Variants in NOL10 observed in about 807,000 individuals in gnomAD.
NOL10 encodes the protein H_NH0074G24.1.
In NOL10, 58 loss-of-function variants were observed where a neutral mutation model predicts 103.5. The ratio of observed to expected loss-of-function variants is 0.56; its 90% confidence interval spans 0.45 to 0.70. The LOEUF (loss-of-function observed/expected upper bound fraction) is 0.70, where lower values mean the gene tolerates loss of function less well. NOL10 is among the 30% of genes least tolerant of loss of function. The pLI, the probability that NOL10 is intolerant of heterozygous loss-of-function variation, is 0.00. For synonymous variants in NOL10, 287 were observed against 282.5 expected (o/e 1.02, Z -0.16); for missense variants, 763 against 807.3 (o/e 0.95, Z 0.67).
intron 19 of NOL10, among the ~76,000 whole-genome samples, chr2:10,587,220 T>TAC (rs1675138521): frequency 6.7e-5 from 4 of 59,268 alleles, no homozygotes; most frequent in Non-Finnish European, 8.6e-5. Context: ...TATATATACA[T>TAC]ATATATACAT....
intron 17 of NOL10, among the ~76,000 whole-genome samples, chr2:10,593,275 G>A (rs1314317458): frequency 6.6e-6 from 1 of 152,042 alleles, no homozygotes; most frequent in Non-Finnish European, 1.5e-5. Flanking sequence ...GAGTAGCTGG[G>A]ATTACAGGCA....
chr2:10,660,827 GCCTGCTTCC>G (rs1424510895), intron 9 of NOL10, among the ~76,000 whole-genome samples: 1 of 151,758 alleles, frequency 6.6e-6, no homozygotes, highest in Non-Finnish European at 1.5e-5. Flanking sequence ...GGAAATGACA[GCCTGCTTCC>G]CCTATTCAAC....
At chr2:10,653,371 G>A (rs983984970) in intron 12 of NOL10, among the ~76,000 whole-genome samples, 4 of 152,066 alleles carry the variant, frequency 2.6e-5, no homozygotes, top group Non-Finnish European at 5.9e-5. Flanking sequence ...TCACACGTTA[G>A]AAAAAGAAGC....
chr2:10,625,727 A>G (rs1677417875), intron 13 of NOL10, among the ~76,000 whole-genome samples: 1 of 151,922 alleles, frequency 6.6e-6, no homozygotes, highest in African/African-American at 2.4e-5. Flanking sequence ...CACCCCCACA[A>G]AAAAAAAGCC....
chr2:10,624,661 T>C (rs1249793481), intron 13 of NOL10, among the ~76,000 whole-genome samples: 1 of 151,238 alleles, frequency 6.6e-6, no homozygotes, highest in African/African-American at 2.4e-5. Flanking sequence ...TGATTATGAA[T>C]TTAAAAAAAA....
chr2:10,577,721 C>T lies in NOL10; in HGVS notation c.1862G>A (p.Arg621His), dbSNP rs753718070. The change falls in exon 20 of 21, where the codon CGT becomes CAT. Residue 621 changes from arginine (R) to histidine (H), a missense_variant. Arg to His is a conservative substitution (Grantham distance 29, BLOSUM62 0). Coordinates refer to ENST00000381685, the MANE Select transcript of NOL10 (RefSeq NM_024894.4). The stretch of plus-strand genomic sequence containing the variant: ...CCCATTTTTTGCTTCAATTTTCAAA[C>T]GATCTTCAAGGGTTTTGCTATGGGA... ...QKLMNKTLEDRLKIEAKNGTL... is the reference protein window; with the variant it reads ...QKLMNKTLEDHLKIEAKNGTL... The T allele has an allele frequency of 5.0e-6, 8 of 1,608,896 alleles. No homozygotes were observed. The highest frequency in any genetic ancestry group is 4.2e-6 in the Non-Finnish European group (5 of 1,177,000).
At chr2:10,640,137 A>G (rs768822528) in intron 13 of NOL10, among the ~76,000 whole-genome samples, 12 of 152,392 alleles carry the variant, frequency 7.9e-5, no homozygotes, top group Non-Finnish European at 1.3e-4. Flanking sequence ...TACAAATCAC[A>G]GTCCAGGCTT....
intron 13 of NOL10, among the ~76,000 whole-genome samples, chr2:10,640,277 C>CT (rs1678610972): frequency 6.6e-6 from 1 of 152,148 alleles, no homozygotes; most frequent in Non-Finnish European, 1.5e-5. Flanking sequence ...GGCTTTCAGA[C>CT]CCCTGGGCTC....
Position 10,689,951 on chromosome 2 carries a change from C to A in NOL10, c.-90G>T. On this transcript the variant is annotated 5_prime_UTR_variant, in exon 1 of 21. Transcript: ENST00000381685. The stretch of plus-strand genomic sequence containing the variant: ...CCGGGACCTCCGAGCCCCTGCTCCG[C>A]GGCGTGCGGCCGCTGGCGCCGACTG... 7.9e-7 allele frequency: 1 copy of A among 1,262,474 alleles called. No homozygotes were observed. Among genetic ancestry groups the A allele is most frequent in the Non-Finnish European group, 1.1e-6 (1 of 900,888 alleles). 78.2% of individuals were successfully genotyped at this position (1,262,474 alleles called of 1,614,324 possible). A position where few individuals can be genotyped will look rare whatever the true frequency, so the allele number is the denominator to read the frequency against.
intron 17 of NOL10, chr2:10,591,077 T>C (rs779776603): frequency 6.6e-6 from 1 of 152,212 alleles, no homozygotes; most frequent in Non-Finnish European, 1.5e-5. Context: ...TCATAAGATA[T>C]TAAGGAACTT....
chr2:10,674,815 C>T (rs1015376255), intron 4 of NOL10, among the ~76,000 whole-genome samples: 23 of 151,806 alleles, frequency 1.5e-4, no homozygotes, highest in Non-Finnish European at 2.6e-4. Context: ...TCAGCCTGGG[C>T]GACAGAGCAA....
At chr2:10,627,699 CA>C (rs111536913) in intron 13 of NOL10, among the ~76,000 whole-genome samples, 72 of 135,188 alleles carry the variant, frequency 5.3e-4, no homozygotes, top group African/African-American at 9.4e-4. Flanking sequence ...AACAAACAAA[CA>C]AAAAAAAACA....
chr2:10,661,653 G>C (rs1680217189), intron 9 of NOL10, among the ~76,000 whole-genome samples: 1 of 152,074 alleles, frequency 6.6e-6, no homozygotes, highest in Non-Finnish European at 1.5e-5. Context: ...TTACAGGTGT[G>C]AGCCACCGTG....
At chr2:10,572,559 AGAT>A (rs1331602609) in intron 20 of NOL10, among the ~76,000 whole-genome samples, 12 of 152,228 alleles carry the variant, frequency 7.9e-5, no homozygotes, top group Non-Finnish European at 1.5e-4. Context: ...CACCTTAAGA[AGAT>A]GATATCACTT....
rs187976488 is a variant in NOL10 at position 10,667,720 on chromosome 2, C to T, written c.531-442G>A. On this transcript the variant is annotated intron_variant, in intron 7 of 20. Transcript: ENST00000381685. ...TGTAAAATGGATATTTCACCTACCTCGGGGGGTTGTTATGGGGATTAAATG... is the reference window on the plus strand; with the variant it reads ...TGTAAAATGGATATTTCACCTACCTTGGGGGGTTGTTATGGGGATTAAATG... Among the ~76,000 whole-genome samples the T allele has an allele frequency of 3.9e-5, 6 of 152,186 alleles. No individual in the cohort carries two copies. The East Asian group carries it at 1.2e-3, about 29-fold the overall frequency.
At chr2:10,651,256 A>G (rs1051289754) in intron 12 of NOL10, among the ~76,000 whole-genome samples, 3 of 152,142 alleles carry the variant, frequency 2.0e-5, no homozygotes, top group Non-Finnish European at 4.4e-5. Flanking sequence ...GAGGCAGCCT[A>G]CCAGGCTCAA....
At chr2:10,669,497 TAC>T (rs201250808) in intron 6 of NOL10, among the ~76,000 whole-genome samples, 11 of 102,230 alleles carry the variant, frequency 1.1e-4, no homozygotes, top group Non-Finnish European at 1.8e-4. Flanking sequence ...CACACACACA[TAC>T]ACACACACAT....
At chr2:10,630,220 T>C (rs1001568923) in intron 13 of NOL10, among the ~76,000 whole-genome samples, 1 of 152,230 alleles carries the variant, frequency 6.6e-6, no homozygotes, top group Non-Finnish European at 1.5e-5. Flanking sequence ...CCTTACAATA[T>C]CATTCCTCTT....
Position 10,657,856 on chromosome 2 carries a change from C to A in NOL10, c.792G>T (p.Leu264Phe). ...LLYDLRSDKP[L>F]LVKDHQYGLP... is the part of the protein sequence containing the mutation. ...GCCCATACTGGTGATCTTTAACTAG[C>A]AATGGCTTATCAGATCGAAGGTCAT... Residue 264 changes from leucine (L) to phenylalanine (F), a missense_variant, in exon 11 of 21, where the codon TTG (leucine) becomes TTT (phenylalanine). Transcript: ENST00000381685. The A allele has an allele frequency of 6.5e-7, 1 of 1,548,522 alleles. No individual in the cohort carries two copies.
Sources: allele counts gnomAD v4.1 joint callset (sites outside exome capture counted in the v4.1 genomes callset), GRCh38; gene constraint gnomAD v4.1.1; transcripts MANE v1.5; gene names NCBI Gene and HGNC (gene_info 2026-07-23, HGNC 2026-07-21).